Variants in SLC22A25 observed in about 807,000 individuals in gnomAD.
The protein encoded by SLC22A25 is MGI:2442751, MGI:2385316, MGI:3042283, MGI:3645714, MGI:3605624, MGI:2442750.
Under a neutral mutation model 45.9 loss-of-function variants are expected in SLC22A25, and 44 were observed. That is an observed-to-expected ratio of 0.96 (90% CI 0.75 to 1.23). The LOEUF (loss-of-function observed/expected upper bound fraction) is 1.23, where lower values mean the gene tolerates loss of function less well. Among genes scored for constraint, SLC22A25 ranks in the 50% most tolerant of loss-of-function variants. The probability of loss-of-function intolerance (pLI) is 0.00; values close to 1 mark genes in which losing one functional copy is unlikely to be tolerated. For synonymous variants in SLC22A25, 283 were observed against 238.6 expected (o/e 1.19, Z -1.72); for missense variants, 800 against 666.4 (o/e 1.20, Z -2.21).
At chr11:63,178,388 T>C (rs75223914) in intron 9 of SLC22A25, among the ~76,000 whole-genome samples, 2,753 of 152,192 alleles carry the variant, frequency 0.018, 72 homozygotes, top group African/African-American at 0.051. Flanking sequence ...TTTCACAAAA[T>C]TTTATATTGT....
At chr11:63,199,720 G>A (rs190021006) in intron 7 of SLC22A25, among the ~76,000 whole-genome samples, 1 of 152,102 alleles carries the variant, frequency 6.6e-6, no homozygotes, top group Admixed American at 6.6e-5. Context: ...AGGATTGCAA[G>A]GCATTGTGGG....
At chr11:63,189,401 A>G (rs1420645773) in intron 7 of SLC22A25, among the ~76,000 whole-genome samples, 2 of 152,022 alleles carry the variant, frequency 1.3e-5, no homozygotes, top group Non-Finnish European at 2.9e-5. Context: ...TGCTTGGTAG[A>G]TCTTCCTCCA....
In SLC22A25 at chr11:63,194,716, T is replaced by C; in HGVS notation, c.831-10899A>G. Reference sequence around the variant, plus strand: ...AGGATCAAATTCACACATAACAATATTAGCTTTAAATGTAAATGCACTAAA... The same window carrying C: ...AGGATCAAATTCACACATAACAATACTAGCTTTAAATGTAAATGCACTAAA... On this transcript the variant is annotated intron_variant, in intron 7 of 11. Transcript: ENST00000306494. Among the ~76,000 whole-genome samples, 2 of 151,624 alleles carry C rather than the reference T, an allele frequency of 1.3e-5. 1 individual carries two copies. Among genetic ancestry groups the C allele is most frequent in the Non-Finnish European group, 2.9e-5 (2 of 67,940 alleles).
chr11:63,220,551 G>A (rs1221382672), intron 5 of SLC22A25, among the ~76,000 whole-genome samples: 3 of 152,230 alleles, frequency 2.0e-5, no homozygotes, highest in African/African-American at 7.2e-5. Context: ...GACATACAAT[G>A]TGTTATAATC....
intron 7 of SLC22A25, among the ~76,000 whole-genome samples, chr11:63,184,277 A>G (rs1255781321): frequency 6.6e-6 from 1 of 152,118 alleles, no homozygotes; most frequent in Non-Finnish European, 1.5e-5. Context: ...TATATTAGCA[A>G]GTCATTTACC....
At position 63,231,933 on chromosome 11, in the gene SLC22A25, G is replaced by A. The variant is rs186511704; in HGVS notation, c.-444-1837C>T. Reference sequence around the variant, plus strand: ...GTTTTTGTCAGGTTTGTCAAAGATCGGATAGTTGTAGATATGTGGCATTAT... The same window carrying A: ...GTTTTTGTCAGGTTTGTCAAAGATCAGATAGTTGTAGATATGTGGCATTAT... On this transcript the variant is annotated intron_variant, in intron 3 of 11. Transcript: ENST00000306494. Among the ~76,000 whole-genome samples, 1,210 of 152,118 alleles carry A rather than the reference G, an allele frequency of 8.0e-3. 20 individuals carry two copies. The highest frequency in any genetic ancestry group is 0.026 in the African/African-American group (1,099 of 41,476).
intron 7 of SLC22A25, among the ~76,000 whole-genome samples, chr11:63,206,419 A>T (rs775587772): frequency 2.0e-5 from 3 of 152,260 alleles, no homozygotes; most frequent in South Asian, 2.1e-4. Flanking sequence ...TCTTAAGCTG[A>T]TAAGCAACTT....
chr11:63,208,115 G>A (rs2089457631), intron 7 of SLC22A25: 1 of 152,242 alleles, frequency 6.6e-6, no homozygotes, highest in Non-Finnish European at 1.5e-5. Flanking sequence ...TGTCTCCTTT[G>A]CCTGTGGGAC....
chr11:63,242,234 A>G (rs961611738), intron 1 of SLC22A25, among the ~76,000 whole-genome samples: 2 of 152,220 alleles, frequency 1.3e-5, no homozygotes, highest in Non-Finnish European at 2.9e-5. Context: ...GGAAAAAACC[A>G]CACACCGAAA....
chr11:63,186,388 A>T (rs9734768), intron 7 of SLC22A25, among the ~76,000 whole-genome samples: 1 of 149,266 alleles, frequency 6.7e-6, no homozygotes, highest in Non-Finnish European at 1.5e-5. Context: ...TTTTGTTGGG[A>T]TTGTTTGTTT....
chr11:63,165,706 G>A (rs993239861), intron 10 of SLC22A25, among the ~76,000 whole-genome samples: 12 of 152,152 alleles, frequency 7.9e-5, no homozygotes, highest in Non-Finnish European at 1.5e-4. Context: ...GGATACAAAG[G>A]CCCAGCACCT....
chr11:63,207,348 G>C (rs1192166332), intron 7 of SLC22A25, among the ~76,000 whole-genome samples: 1 of 152,130 alleles, frequency 6.6e-6, no homozygotes, highest in Non-Finnish European at 1.5e-5. Context: ...CAGAAGGGGA[G>C]AAAATTTTTG....
Position 63,217,606 on chromosome 11 carries a change from G to A in SLC22A25, c.636C>T (p.Ser212=). 6.2e-7 allele frequency: 1 copy of A among 1,613,610 alleles called. No homozygotes were observed. The stretch of plus-strand genomic sequence containing the variant: ...TTAACAAAACAGTATTTACAATGAT[G>A]CTAAATGTAGCAGCCCCAGCCAAGA... ...LRFLAGAATF[S]IIVNTVLLIV... is the part of the protein sequence containing the mutation. The change falls in exon 6 of 12, where the codon AGC becomes AGT. Residue 212 remains serine, a synonymous_variant. Transcript: ENST00000306494.
chr11:63,187,644 C>G (rs925937103), intron 7 of SLC22A25, among the ~76,000 whole-genome samples: 2 of 152,106 alleles, frequency 1.3e-5, no homozygotes, highest in Admixed American at 1.3e-4. Context: ...GGAATGCTTC[C>G]GGTTTTTGCC....
chr11:63,224,260 T>C (rs2089912115), intron 5 of SLC22A25, among the ~76,000 whole-genome samples: 2 of 152,274 alleles, frequency 1.3e-5, no homozygotes, highest in South Asian at 2.1e-4. Flanking sequence ...CTAATCTTGC[T>C]CTTTTTTGGT....
chr11:63,186,322 T>G (rs1017526152), intron 7 of SLC22A25, among the ~76,000 whole-genome samples: 6 of 151,534 alleles, frequency 4.0e-5, no homozygotes, highest in Non-Finnish European at 8.8e-5. Flanking sequence ...TCCTGTGTCT[T>G]TTGGCTGCAT....
rs139811292 is a variant in SLC22A25, at chr11:63,201,949, T to A, written c.830+15365A>T. On this transcript the variant is annotated intron_variant, in intron 7 of 11. Transcript: ENST00000306494. Reference sequence around the variant, plus strand: ...TGCATTTCCAACTGAGGTACCTGGCTCATCTTATTGGGACTGGTTAGACAG... The same window carrying A: ...TGCATTTCCAACTGAGGTACCTGGCACATCTTATTGGGACTGGTTAGACAG... Among the ~76,000 whole-genome samples, 539 of 152,184 alleles carry A rather than the reference T, an allele frequency of 3.5e-3. 2 individuals carry two copies. The highest frequency in any genetic ancestry group is 0.012 in the African/African-American group (483 of 41,500).
intron 5 of SLC22A25, among the ~76,000 whole-genome samples, chr11:63,227,298 C>T (rs918081349): frequency 1.3e-5 from 2 of 152,148 alleles, no homozygotes; most frequent in Admixed American, 6.5e-5. Context: ...AGGTCAATGA[C>T]ATGTATTACC....
rs1314827465 is a variant in SLC22A25 at position 63,159,621 on chromosome 11, G to T, written c.*4203C>A. 4.6e-5 allele frequency among the ~76,000 whole-genome samples: 7 copies of T among 152,126 alleles called. No homozygotes were observed. The highest frequency in any genetic ancestry group is 3.9e-4 in the Admixed American group (6 of 15,268). On this transcript the variant is annotated 3_prime_UTR_variant, in exon 12 of 12. Transcript: ENST00000306494. ...TGTCTTTATCAGCAGCATGAGAAAT[G>T]GACTAATATAGTAAATTGGTACTGA... is the stretch of plus-strand genomic sequence containing the variant.
Sources: gnomAD v4.1 joint callset for allele counts (sites outside exome capture counted in the v4.1 genomes callset) on GRCh38, gnomAD v4.1.1 for gene constraint, MANE v1.5 for transcripts, NCBI Gene and HGNC (gene_info 2026-07-23, HGNC 2026-07-21) for gene names.